ATRNL1: variants seen among roughly 807,000 people sequenced by gnomAD.
ATRNL1 encodes the protein attractin-like protein 1.
Under a neutral mutation model 182.7 loss-of-function variants are expected in ATRNL1, and 95 were observed. The observed-to-expected ratio is 0.52, with a 90% CI of 0.44 to 0.62. The LOEUF (loss-of-function observed/expected upper bound fraction) is 0.62, where lower values mean the gene tolerates loss of function less well. Among genes scored for constraint, ATRNL1 ranks in the 20% least tolerant of loss-of-function variants. The pLI is 0.00. For synonymous variants in ATRNL1, 576 were observed against 568.3 expected, an observed-to-expected ratio of 1.01 and a Z score of -0.19; for missense variants, 1,471 against 1,679.5, an observed-to-expected ratio of 0.88 and a Z score of 2.17.
At chr10:115,201,920 G>T (rs1848597135) in intron 8 of ATRNL1, among the ~76,000 whole-genome samples, 1 of 152,074 alleles carries the variant, frequency 6.6e-6, no homozygotes, top group African/African-American at 2.4e-5. Context: ...GCAGTGGTTT[G>T]TAGTTCTCCT....
At chr10:115,750,938 A>C (rs997270918) in intron 27 of ATRNL1, among the ~76,000 whole-genome samples, 2 of 151,410 alleles carry the variant, frequency 1.3e-5, no homozygotes, top group African/African-American at 4.9e-5. Context: ...GCAAAAACAC[A>C]AAAGGTTGAA....
In ATRNL1 at chr10:115,296,179, C is replaced by T. The variant is rs76352076; in HGVS notation, c.2416-3855C>T. On this transcript the variant is annotated intron_variant, in intron 15 of 28. Coordinates refer to ENST00000355044, the MANE Select transcript of ATRNL1 (RefSeq NM_207303.4). ...TTCTCCTTACCTATTCCCTATAACA[C>T]GAAGTCACTGCTGATCCTAAACAGA... is the stretch of plus-strand genomic sequence containing the variant. 6.2e-3 allele frequency among the ~76,000 whole-genome samples: 951 copies of T among 152,206 alleles called. 31 individuals carry two copies. In the East Asian group the frequency reaches 0.093, roughly 15 times the overall value.
At chr10:115,323,521 T>A (rs1226727271) in intron 18 of ATRNL1, among the ~76,000 whole-genome samples, 1 of 145,692 alleles carries the variant, frequency 6.9e-6, no homozygotes, top group Non-Finnish European at 1.5e-5. Flanking sequence ...CTCAGCTCAC[T>A]GCAACCTCCG....
At chr10:115,130,402 G>A (rs1294988657) in intron 5 of ATRNL1, among the ~76,000 whole-genome samples, 1 of 152,010 alleles carries the variant, frequency 6.6e-6, no homozygotes, top group Non-Finnish European at 1.5e-5. Flanking sequence ...TCATGAAGTT[G>A]TATTCATTAT....
intron 1 of ATRNL1, among the ~76,000 whole-genome samples, chr10:115,102,435 T>C (rs1329026449): frequency 7.2e-6 from 1 of 138,310 alleles, no homozygotes; most frequent in Non-Finnish European, 1.5e-5. Flanking sequence ...TGTATATGTG[T>C]ATATATATAT....
intron 26 of ATRNL1, among the ~76,000 whole-genome samples, chr10:115,555,404 G>A (rs1192506233): frequency 6.6e-6 from 1 of 151,638 alleles, no homozygotes; most frequent in Non-Finnish European, 1.5e-5. Flanking sequence ...CTCATATATA[G>A]ACACTTACAG....
chr10:115,184,775 A>G (rs1592226367), intron 8 of ATRNL1, among the ~76,000 whole-genome samples: 1 of 152,124 alleles, frequency 6.6e-6, no homozygotes, highest in East Asian at 1.9e-4. Flanking sequence ...GCTGAAACAA[A>G]TGAACCCAAC....
At chr10:115,261,823 A>G (rs1238461804) in intron 10 of ATRNL1, among the ~76,000 whole-genome samples, 1 of 152,026 alleles carries the variant, frequency 6.6e-6, no homozygotes, top group Non-Finnish European at 1.5e-5. Context: ...GAGCCCAGGA[A>G]TTAATTTAGT....
At chr10:115,848,012 T>C (rs1310285409) in intron 28 of ATRNL1, 21 bp downstream of exon 28, 3 of 1,400,808 alleles carry the variant, frequency 2.1e-6, no homozygotes, top group Non-Finnish European at 3.0e-6. Flanking sequence ...TGAGGAGCCT[T>C]CAGCAGTTAA....
intron 26 of ATRNL1, among the ~76,000 whole-genome samples, chr10:115,563,077 C>A (rs993469071): frequency 6.6e-6 from 1 of 152,056 alleles, no homozygotes; most frequent in Non-Finnish European, 1.5e-5. Flanking sequence ...AAGAACATAC[C>A]TGAGGCTGGG....
chr10:115,583,550 T>G lies in ATRNL1; in HGVS notation c.3795+34014T>G, dbSNP rs1209038875. ...GTTCACTCATGATTTGGCTTTCTGT[T>G]TGTCTGTTGTTGATGTATAAGAATG... On this transcript the variant is annotated intron_variant, in intron 26 of 28. Transcript: ENST00000355044. 3.5e-5 allele frequency among the ~76,000 whole-genome samples: 4 copies of G among 114,944 alleles called. 1 individual carries two copies. The highest frequency in any genetic ancestry group is 1.1e-4 in the African/African-American group (4 of 37,096). The allele number at this position is 114,944 out of a possible 152,430, so 75.4% of individuals were successfully genotyped here.
intron 19 of ATRNL1, among the ~76,000 whole-genome samples, chr10:115,385,885 G>A (rs1008073791): frequency 6.6e-6 from 1 of 152,122 alleles, no homozygotes; most frequent in Middle Eastern, 3.2e-3. Flanking sequence ...GTGTAGGATT[G>A]TTTCTGTCTT....
At chr10:115,262,937 A>G (rs1335364477) in intron 10 of ATRNL1, among the ~76,000 whole-genome samples, 2 of 151,948 alleles carry the variant, frequency 1.3e-5, no homozygotes, top group African/African-American at 4.8e-5. Flanking sequence ...TACTTTGGGG[A>G]GCAAATTGGG....
chr10:115,672,061 A>G (rs1365082992), intron 26 of ATRNL1, among the ~76,000 whole-genome samples: 3 of 152,150 alleles, frequency 2.0e-5, no homozygotes, highest in African/African-American at 7.2e-5. Context: ...CCTCTAAACA[A>G]GTCAATAATT....
chr10:115,384,792 A>G (rs1440187438), intron 19 of ATRNL1, among the ~76,000 whole-genome samples: 2 of 151,934 alleles, frequency 1.3e-5, no homozygotes, highest in Non-Finnish European at 2.9e-5. Flanking sequence ...AAAGTTTTGC[A>G]TACATAAAAT....
Position 115,179,116 on chromosome 10 carries a change from A to G in ATRNL1, c.1348+7824A>G, listed in dbSNP as rs981205106. Among the ~76,000 whole-genome samples the G allele has an allele frequency of 2.6e-5, 4 of 152,164 alleles. No homozygotes were observed. The East Asian group carries it at 7.7e-4, about 29-fold the overall frequency. On this transcript the variant is annotated intron_variant, in intron 8 of 28. Transcript: ENST00000355044. ...TCTGTTTCTTGACTTTGTTTTTAGTATATTAACCAAATTATTTAAATTGTG... is the reference window on the plus strand; with the variant it reads ...TCTGTTTCTTGACTTTGTTTTTAGTGTATTAACCAAATTATTTAAATTGTG...
intron 13 of ATRNL1, among the ~76,000 whole-genome samples, chr10:115,281,108 G>A (rs1852340230): frequency 6.6e-6 from 1 of 152,212 alleles, no homozygotes; most frequent in Non-Finnish European, 1.5e-5. Flanking sequence ...ATGCTTGTAA[G>A]TTAGGTTGCA....
At position 115,559,443 on chromosome 10, in the gene ATRNL1, T is replaced by TGCGCGCGC. The variant is rs71476112; in HGVS notation, c.3795+9910_3795+9917dup. On this transcript the variant is annotated intron_variant, in intron 26 of 28. Transcript: ENST00000355044. The stretch of plus-strand genomic sequence containing the variant: ...GTGTGTGTGTGTGTGTGTGTGTGTG[T>TGCGCGCGC]GCGCGCGCGCACGCACGCACATGCG... 5.6e-3 allele frequency among the ~76,000 whole-genome samples: 434 copies of TGCGCGCGC among 77,856 alleles called. 3 individuals carry two copies. The highest frequency in any genetic ancestry group is 0.024 in the East Asian group (109 of 4,450). 51.1% of individuals were successfully genotyped at this position (77,856 alleles called of 152,430 possible).
chr10:115,477,262 C>T (rs545642952), intron 24 of ATRNL1, among the ~76,000 whole-genome samples: 97 of 151,622 alleles, frequency 6.4e-4, no homozygotes, highest in Non-Finnish European at 6.9e-4. Context: ...TCGTGCATGA[C>T]TAACAAACAG....
Sources: gnomAD v4.1 joint callset for allele counts (sites outside exome capture counted in the v4.1 genomes callset) on GRCh38, gnomAD v4.1.1 for gene constraint, MANE v1.5 for transcripts, NCBI Gene and HGNC (gene_info 2026-07-23, HGNC 2026-07-21) for gene names.